Variants in HSPA4L observed in about 807,000 individuals in gnomAD.
HSPA4L encodes the protein heat shock protein family A (Hsp70) member 4 like.
A neutral mutation model predicts 100.3 loss-of-function variants in HSPA4L; 48 were observed. The ratio of observed to expected loss-of-function variants is 0.48; its 90% CI spans 0.38 to 0.61. HSPA4L has a LOEUF of 0.61. Ranked by LOEUF, HSPA4L falls within the 20% of genes least tolerant of loss-of-function variation. The probability of loss-of-function intolerance (pLI) is 0.00; values close to 1 mark genes in which losing one functional copy is unlikely to be tolerated. For synonymous variants in HSPA4L, 319 were observed against 328.2 expected (o/e 0.97, Z 0.30); for missense variants, 886 against 988.6 (o/e 0.90, Z 1.39).
intron 5 of HSPA4L, among the ~76,000 whole-genome samples, 177 bp from the exon 6 acceptor site, chr4:127,801,608 G>A (rs1437032520): frequency 6.6e-6 from 1 of 151,954 alleles, no homozygotes; most frequent in Non-Finnish European, 1.5e-5. Context: ...AGTTATAGAT[G>A]AGTAAGGAAA....
rs1028472919 is a variant in HSPA4L at position 127,833,492 on chromosome 4, G to C, written c.*618G>C. 7 of 152,204 alleles carry C rather than the reference G, an allele frequency of 4.6e-5. No individual in the cohort carries two copies. Among genetic ancestry groups the C allele is most frequent in the Admixed American group, 2.0e-4 (3 of 15,290 alleles). 9.4% of individuals were successfully genotyped at this position (152,204 alleles called of 1,614,324 possible). ...ATTTTATGTTAAGGTGAAACCAGCA[G>C]TTTGCTTCTTTTATTAGTAATGTGG... On this transcript the variant is annotated 3_prime_UTR_variant, in exon 19 of 19. Coordinates refer to ENST00000296464, the MANE Select transcript of HSPA4L (RefSeq NM_014278.4).
At chr4:127,816,384 T>C (rs1733671400) in intron 12 of HSPA4L, among the ~76,000 whole-genome samples, 1 of 152,208 alleles carries the variant, frequency 6.6e-6, no homozygotes, top group Non-Finnish European at 1.5e-5. Context: ...AATTTTCTGC[T>C]TTTAAATGTA....
chr4:127,801,999 G>A, intron 6 of HSPA4L, 81 bp downstream of exon 6: 1 of 1,113,892 alleles, frequency 9.0e-7, no homozygotes, highest in Non-Finnish European at 1.3e-6. Flanking sequence ...TTCGAATCCT[G>A]GCTCTGCCCC....
At chr4:127,789,807 T>C (rs1732823391) in intron 1 of HSPA4L, among the ~76,000 whole-genome samples, 1 of 152,188 alleles carries the variant, frequency 6.6e-6, no homozygotes, top group Non-Finnish European at 1.5e-5. Context: ...CTAATATGTG[T>C]TATAATGTGT....
At chr4:127,819,909 T>C (rs1012784572) in intron 13 of HSPA4L, among the ~76,000 whole-genome samples, 1 of 152,196 alleles carries the variant, frequency 6.6e-6, no homozygotes, top group Non-Finnish European at 1.5e-5. Flanking sequence ...TTTTTTACTC[T>C]TATGATTGTT....
chr4:127,793,546 G>T (rs959794880), intron 1 of HSPA4L, among the ~76,000 whole-genome samples: 2 of 152,076 alleles, frequency 1.3e-5, no homozygotes, highest in Admixed American at 1.3e-4. Flanking sequence ...TTTAAATGTG[G>T]TAATTAAAAT....
At chr4:127,824,257 G>C (rs1222953604) in intron 16 of HSPA4L, among the ~76,000 whole-genome samples, 1 of 152,138 alleles carries the variant, frequency 6.6e-6, no homozygotes, top group African/African-American at 2.4e-5. Context: ...TGGACACTTA[G>C]ATTGAGTCTC....
intron 4 of HSPA4L, among the ~76,000 whole-genome samples, chr4:127,799,458 T>G (rs1223751865): frequency 2.6e-5 from 4 of 152,170 alleles, no homozygotes; most frequent in Admixed American, 2.6e-4. Context: ...GTAGGGATAT[T>G]ATTAACCCTA....
intron 17 of HSPA4L, among the ~76,000 whole-genome samples, chr4:127,829,553 C>T (rs1426183375): frequency 6.6e-6 from 1 of 151,880 alleles, no homozygotes; most frequent in East Asian, 1.9e-4. Context: ...TTAAGATTTC[C>T]TGATAGATTT....
intron 8 of HSPA4L, 117 bp downstream of exon 8, chr4:127,804,204 C>T (rs1414480580): frequency 2.7e-6 from 2 of 747,062 alleles, no homozygotes; most frequent in East Asian, 2.7e-5. Context: ...TTATATTTCT[C>T]ATTTTAGGGA....
chr4:127,811,712 A>G, intron 12 of HSPA4L, 76 bp downstream of exon 12: 1 of 1,019,926 alleles, frequency 9.8e-7, no homozygotes, highest in Non-Finnish European at 1.4e-6. Flanking sequence ...CTGGGACTTT[A>G]ATAGTTGAAT....
rs919299778 is a variant in HSPA4L, at chr4:127,830,704, A to G, written c.2233A>G (p.Met745Val). 1.2e-6 allele frequency: 2 copies of G among 1,610,930 alleles called. No individual in the cohort carries two copies. The highest frequency in any genetic ancestry group is 1.7e-6 in the Non-Finnish European group (2 of 1,178,442). The change falls in exon 18 of 19, where the codon ATG becomes GTG. Residue 745 changes from methionine (M) to valine (V), a missense_variant. Coordinates refer to ENST00000296464, the MANE Select transcript of HSPA4L (RefSeq NM_014278.4). ...GGTTGAAAAATGTATCAGTGATGCC[A>G]TGAGTTGGCTGAATAGTAAGATGAA... is the stretch of plus-strand genomic sequence containing the variant. ...EKVEKCISDA[M>V]SWLNSKMNAQ...
intron 5 of HSPA4L, among the ~76,000 whole-genome samples, chr4:127,801,458 CGT>C (rs33966471): frequency 0.18 from 25,682 of 144,592 alleles, 2,549 homozygotes; most frequent in East Asian, 0.42. Flanking sequence ...TATAAAAATA[CGT>C]GTGTGTGTGT....
chr4:127,782,326 G>A lies in HSPA4L; in HGVS notation c.-225G>A, dbSNP rs978431805. 4 of 534,534 alleles carry A rather than the reference G, an allele frequency of 7.5e-6. No individual in the cohort carries two copies. In the African/African-American group the frequency reaches 7.9e-5, roughly 11 times the overall value. The allele number at this position is 534,534 out of a possible 1,614,324, so 33.1% of individuals were successfully genotyped here. ...GGTTGGAGGCGGCCGAACCGCAGTA[G>A]GGAAAGACCCAGGCTGCGGGACGCG... On this transcript the variant is annotated 5_prime_UTR_variant, in exon 1 of 19. Transcript: ENST00000296464.
intron 1 of HSPA4L, among the ~76,000 whole-genome samples, chr4:127,793,553 A>G (rs1732933795): frequency 6.6e-6 from 1 of 152,172 alleles, no homozygotes; most frequent in East Asian, 1.9e-4. Flanking sequence ...GTGGTAATTA[A>G]AATACAAGAA....
At chr4:127,829,791 A>G (rs940285924) in intron 17 of HSPA4L, among the ~76,000 whole-genome samples, 1 of 151,870 alleles carries the variant, frequency 6.6e-6, no homozygotes, top group Non-Finnish European at 1.5e-5. Context: ...TTTTTAAAGC[A>G]TATGGGTAGA....
In HSPA4L at chr4:127,808,723, G is replaced by T. The variant is rs59997635; in HGVS notation, c.1378+594G>T. On this transcript the variant is annotated intron_variant, in intron 11 of 18. Transcript: ENST00000296464. ...ATACTCAATGGATACTGAGGGGACAGCTATATTTCTAATTCATTTTTACTT... is the reference window on the plus strand; with the variant it reads ...ATACTCAATGGATACTGAGGGGACATCTATATTTCTAATTCATTTTTACTT... 3.7e-4 allele frequency among the ~76,000 whole-genome samples: 56 copies of T among 152,254 alleles called. No homozygotes were observed. In the East Asian group the frequency reaches 0.01, roughly 27 times the overall value.
Position 127,803,847 on chromosome 4 carries a change from C to A in HSPA4L, c.882C>A (p.Asp294Glu). 2 of 1,613,538 alleles carry A rather than the reference C, an allele frequency of 1.2e-6. No individual in the cohort carries two copies. Among genetic ancestry groups the A allele is most frequent in the Non-Finnish European group, 8.5e-7 (1 of 1,179,738 alleles). Residue 294 changes from aspartate (D) to glutamate (E), a missense_variant, in exon 7 of 19, where the codon GAC becomes GAA. Physicochemically the swap from Asp to Glu is conservative, Grantham distance 45 (BLOSUM62 2). Transcript: ENST00000296464. ...TGAACATTGAGTGTTTCATGAATGA[C>A]CTTGATGTTTCTAGTAAAATGAACA... Reference protein sequence around the residue: ...LPLNIECFMNDLDVSSKMNRA... With the variant: ...LPLNIECFMNELDVSSKMNRA...
At chr4:127,803,510 T>G (rs1733253041) in intron 6 of HSPA4L, 119 bp from the exon 7 acceptor site, 1 of 961,490 alleles carries the variant, frequency 1.0e-6, no homozygotes, top group African/African-American at 1.7e-5. Flanking sequence ...CCCCTGTGAT[T>G]GGACAAGTTT....
Sources: allele counts gnomAD v4.1 joint callset (sites outside exome capture counted in the v4.1 genomes callset), GRCh38; gene constraint gnomAD v4.1.1; transcripts MANE v1.5; gene names NCBI Gene and HGNC (gene_info 2026-07-23, HGNC 2026-07-21).